TMEM132B: variants seen among roughly 807,000 people sequenced by gnomAD.
TMEM132B encodes transmembrane protein 132B.
Under a neutral mutation model 90.8 loss-of-function variants are expected in TMEM132B, and 18 were observed. That is an observed-to-expected ratio of 0.20 (90% CI 0.14 to 0.29). TMEM132B has a LOEUF of 0.29. TMEM132B is among the 10% of genes least tolerant of loss of function. The pLI, the probability that TMEM132B is intolerant of heterozygous loss-of-function variation, is 1.00. For synonymous variants in TMEM132B, 504 were observed against 523.3 expected (o/e 0.96, Z 0.50); for missense variants, 1,096 against 1,326.8 (o/e 0.83, Z 2.70).
chr12:125,632,854 A>G (rs914446302), intron 5 of TMEM132B, among the ~76,000 whole-genome samples: 10 of 152,026 alleles, frequency 6.6e-5, no homozygotes, highest in Admixed American at 1.3e-4. Context: ...AGAGTTTATT[A>G]AATGCCTTGT....
At chr12:125,199,914 C>A (rs188119690) in intron 1 of TMEM132B, among the ~76,000 whole-genome samples, 2 of 152,156 alleles carry the variant, frequency 1.3e-5, no homozygotes, top group African/African-American at 2.4e-5. Flanking sequence ...AAGACTGAGT[C>A]ACATGGCTAC....
At chr12:125,439,213 A>T (rs989603003) in intron 3 of TMEM132B, among the ~76,000 whole-genome samples, 1 of 151,516 alleles carries the variant, frequency 6.6e-6, no homozygotes, top group Non-Finnish European at 1.5e-5. Flanking sequence ...ATGTGGTTTG[A>T]TAGGAAGAGC....
At chr12:125,508,193 T>A (rs1473794581) in intron 3 of TMEM132B, among the ~76,000 whole-genome samples, 2 of 151,986 alleles carry the variant, frequency 1.3e-5, no homozygotes, top group Non-Finnish European at 2.9e-5. Flanking sequence ...CCTTTGAGAG[T>A]AGTAAATTCT....
chr12:125,441,321 A>G (rs971957158), intron 3 of TMEM132B, among the ~76,000 whole-genome samples: 11 of 152,258 alleles, frequency 7.2e-5, no homozygotes, highest in Non-Finnish European at 1.6e-4. Flanking sequence ...TCTTTGTAAC[A>G]AAGAAGAGTA....
At chr12:125,291,585 G>T (rs997939409) in intron 1 of TMEM132B, among the ~76,000 whole-genome samples, 1 of 152,220 alleles carries the variant, frequency 6.6e-6, no homozygotes, top group African/African-American at 2.4e-5. Context: ...TCCTCCAAGC[G>T]CAAGGACCTA....
At chr12:125,259,681 C>T (rs1254808294) in intron 1 of TMEM132B, among the ~76,000 whole-genome samples, 1 of 152,126 alleles carries the variant, frequency 6.6e-6, no homozygotes, top group African/African-American at 2.4e-5. Context: ...TACTTACGCA[C>T]AGAAATAAAG....
intron 4 of TMEM132B, among the ~76,000 whole-genome samples, chr12:125,570,841 A>G (rs756828289): frequency 2.3e-4 from 35 of 152,164 alleles, no homozygotes; most frequent in Non-Finnish European, 4.0e-4. Flanking sequence ...ATTCCTACTC[A>G]GAGGCTGACA....
rs111507651 is a variant in TMEM132B at position 125,654,528 on chromosome 12, C to T, written c.3070C>T (p.Pro1024Ser). 1 of 1,614,024 alleles carries T rather than the reference C, an allele frequency of 6.2e-7. No homozygotes were observed. The highest frequency in any genetic ancestry group is 8.5e-7 in the Non-Finnish European group (1 of 1,180,036). ...IKNEPMNSSGPKRKRVKFTSY... is the reference protein window; with the variant it reads ...IKNEPMNSSGSKRKRVKFTSY... Reference sequence around the variant, plus strand: ...AAATGAACCTATGAATTCTTCGGGCCCAAAGAGGAAGAGAGTCAAGTTCAC... The same window carrying T: ...AAATGAACCTATGAATTCTTCGGGCTCAAAGAGGAAGAGAGTCAAGTTCAC... The change falls in exon 9 of 9, where the codon CCA becomes TCA. Residue 1024 changes from proline (P) to serine (S), a missense_variant. Coordinates refer to ENST00000682704, the MANE Select transcript of TMEM132B (RefSeq NM_001366854.1). The surrounding 1 kb of genome is among the most constrained non-coding windows in gnomAD (Gnocchi z 5.8).
intron 2 of TMEM132B, among the ~76,000 whole-genome samples, chr12:125,355,927 A>T (rs902560356): frequency 3.9e-5 from 6 of 152,120 alleles, no homozygotes; most frequent in African/African-American, 1.4e-4. Flanking sequence ...TCTGTGCAGC[A>T]TTAGCACGTA....
At chr12:125,290,122 G>A (rs926103807) in intron 1 of TMEM132B, among the ~76,000 whole-genome samples, 3 of 152,116 alleles carry the variant, frequency 2.0e-5, no homozygotes, top group Non-Finnish European at 4.4e-5. Flanking sequence ...TCCAAAACTG[G>A]AACAAAATGA....
At chr12:125,281,145 G>A (rs1875158060) in intron 1 of TMEM132B, among the ~76,000 whole-genome samples, 1 of 152,180 alleles carries the variant, frequency 6.6e-6, no homozygotes, top group African/African-American at 2.4e-5. Context: ...TCCCTAGTGG[G>A]AAGAGTCACC....
At chr12:125,520,536 C>G (rs560221050) in intron 4 of TMEM132B, among the ~76,000 whole-genome samples, 1 of 94,250 alleles carries the variant, frequency 1.1e-5, no homozygotes, top group Non-Finnish European at 2.0e-5. Flanking sequence ...GAATGTGTCT[C>G]TCTGCTGGAA....
chr12:125,494,565 AAG>A (rs1882475061), intron 3 of TMEM132B, among the ~76,000 whole-genome samples: 2 of 61,600 alleles, frequency 3.2e-5, no homozygotes, highest in South Asian at 6.9e-4. Flanking sequence ...TCCTCCCTGG[AAG>A]AAATGGATGC....
intron 2 of TMEM132B, among the ~76,000 whole-genome samples, chr12:125,395,573 G>A (rs763303154): frequency 1.3e-5 from 2 of 152,250 alleles, no homozygotes; most frequent in South Asian, 2.1e-4. Context: ...GATTACAGAC[G>A]GTAAAGTTAT....
chr12:125,510,139 C>T (rs1882942813), intron 3 of TMEM132B, among the ~76,000 whole-genome samples: 1 of 152,098 alleles, frequency 6.6e-6, no homozygotes, highest in Non-Finnish European at 1.5e-5. Context: ...ATTGTCTTAG[C>T]TGTCTCTGGG....
intron 1 of TMEM132B, among the ~76,000 whole-genome samples, chr12:125,210,527 TGTGG>T (rs1431435943): frequency 2.7e-4 from 41 of 151,526 alleles, no homozygotes; most frequent in African/African-American, 9.7e-4. Flanking sequence ...TTCTCCCTGT[TGTGG>T]TACAGGAGGC....
intron 3 of TMEM132B, among the ~76,000 whole-genome samples, chr12:125,427,981 A>G (rs77307955): frequency 0.039 from 5,238 of 135,940 alleles, 128 homozygotes; most frequent in South Asian, 0.062. Flanking sequence ...TGCCAAGTAC[A>G]TGCTAATGGA....
At chr12:125,511,975 T>C (rs761486523) in intron 3 of TMEM132B, among the ~76,000 whole-genome samples, 3 of 151,858 alleles carry the variant, frequency 2.0e-5, no homozygotes, top group Non-Finnish European at 4.4e-5. Context: ...GTCCAGCCCA[T>C]GGCTAGAGAT....
At chr12:125,221,532 A>G (rs1593046183) in intron 1 of TMEM132B, among the ~76,000 whole-genome samples, 1 of 152,228 alleles carries the variant, frequency 6.6e-6, no homozygotes, top group African/African-American at 2.4e-5. Flanking sequence ...TAATATCAAA[A>G]CAAATGTTCA....
Sources: allele counts gnomAD v4.1 joint callset (sites outside exome capture counted in the v4.1 genomes callset), GRCh38; gene constraint gnomAD v4.1.1; non-coding constraint Gnocchi (gnomAD v3.1); transcripts MANE v1.5; gene names NCBI Gene and HGNC (gene_info 2026-07-23, HGNC 2026-07-21).